Variants in TRANK1 observed in about 807,000 individuals in gnomAD.
TRANK1 encodes the protein tetratricopeptide repeat and ankyrin repeat containing 1.
A neutral mutation model predicts 266.0 loss-of-function variants in TRANK1; 198 were observed. The observed-to-expected ratio is 0.74, with a 90% confidence interval of 0.66 to 0.84. The LOEUF (loss-of-function observed/expected upper bound fraction) is 0.84, where lower values mean the gene tolerates loss of function less well. Among genes scored for constraint, TRANK1 ranks in the 40% least tolerant of loss-of-function variants. The probability of loss-of-function intolerance (pLI) is 0.00; values close to 1 mark genes in which losing one functional copy is unlikely to be tolerated. For missense variants in TRANK1, 3,326 were observed against 3,634.6 expected (o/e 0.92, Z 2.18); for synonymous variants, 1,396 against 1,384.1 (o/e 1.01, Z -0.19).
At chr3:36,906,363 A>G (rs1228813700) in intron 2 of TRANK1, among the ~76,000 whole-genome samples, 3 of 152,142 alleles carry the variant, frequency 2.0e-5, no homozygotes, top group African/African-American at 7.2e-5. Flanking sequence ...GCTGTTCCAA[A>G]AGGATGATCT....
chr3:36,935,511 C>T (rs1032414729), intron 1 of TRANK1, among the ~76,000 whole-genome samples: 5 of 142,728 alleles, frequency 3.5e-5, no homozygotes, highest in African/African-American at 1.1e-4. Context: ...AATGCAATGG[C>T]GCAATCTCAA....
At chr3:36,873,633 G>T (rs1043739508) in intron 9 of TRANK1, among the ~76,000 whole-genome samples, 11 of 152,060 alleles carry the variant, frequency 7.2e-5, no homozygotes, top group Non-Finnish European at 1.5e-4. Context: ...AATGATACAC[G>T]TAGCATTACT....
rs1575209048 is a variant in TRANK1 at position 36,856,179 on chromosome 3, T to A, written c.3543A>T (p.Pro1181=). ...AATGCTCCAGCTGGTGGGGATGTTCTGGTGCACATACTTCTGCAGCTTGGC... is the reference window on the plus strand; with the variant it reads ...AATGCTCCAGCTGGTGGGGATGTTCAGGTGCACATACTTCTGCAGCTTGGC... The part of the protein sequence containing the change: ...GDGQAAEVCA[P]EHPHQLEHLH... Residue 1181 remains proline (P), a synonymous_variant, in exon 13 of 24, where the codon CCA becomes CCT. Coordinates refer to ENST00000645898, the MANE Select transcript of TRANK1 (RefSeq NM_001329998.2). 2.5e-6 allele frequency: 4 copies of A among 1,613,982 alleles called. No homozygotes were observed. Among genetic ancestry groups the A allele is most frequent in the Non-Finnish European group, 3.4e-6 (4 of 1,179,890 alleles).
At position 36,831,489 on chromosome 3, in the gene TRANK1, T is replaced by C. The variant is rs758173701; in HGVS notation, c.8094A>G (p.Ala2698=). 2 of 1,613,228 alleles carry C rather than the reference T, an allele frequency of 1.2e-6. No homozygotes were observed. The highest frequency in any genetic ancestry group is 1.7e-5 in the Admixed American group (1 of 59,894). The change falls in exon 22 of 24, where the codon GCA becomes GCG. Residue 2698 remains alanine, a synonymous_variant. Coordinates refer to ENST00000645898, the MANE Select transcript of TRANK1 (RefSeq NM_001329998.2). The surrounding 1 kb of genome is among the most constrained non-coding windows in gnomAD (Gnocchi z 5.0). ...EFGQDEMDEL[A]LEDRDHVLAT... ...CCAGGACGTGGTCTCGGTCTTCTAATGCCAGTTCATCCATCTCATCCTGGC... is the reference window on the plus strand; with the variant it reads ...CCAGGACGTGGTCTCGGTCTTCTAACGCCAGTTCATCCATCTCATCCTGGC...
intron 3 of TRANK1, among the ~76,000 whole-genome samples, chr3:36,902,854 C>A (rs895363762): frequency 1.3e-5 from 2 of 152,248 alleles, no homozygotes; most frequent in African/African-American, 4.8e-5. Context: ...GGAGGCCAAG[C>A]TCTGCTGTTC....
Position 36,860,084 on chromosome 3 carries a change from C to T in TRANK1, c.1495+822G>A, listed in dbSNP as rs909731563. ...TACATATTATGTGTTATTGATAACA[C>T]ATAATGTTTTTTCTCGTAAAAGACA... On this transcript the variant is annotated intron_variant, in intron 11 of 23. Transcript: ENST00000645898. 2.0e-5 allele frequency among the ~76,000 whole-genome samples: 3 copies of T among 152,040 alleles called. No individual in the cohort carries two copies. In the East Asian group the frequency reaches 5.8e-4, roughly 29 times the overall value.
rs796072119 is a variant in TRANK1 at position 36,898,658 on chromosome 3, T to C, written c.433+451A>G. On this transcript the variant is annotated intron_variant, in intron 4 of 23. Coordinates refer to ENST00000645898, the MANE Select transcript of TRANK1 (RefSeq NM_001329998.2). Reference sequence around the variant, plus strand: ...CGAGGTCAAGAGATTAAGGCCATCCTGGCCAATATGGCGAAACCTCATCTC... The same window carrying C: ...CGAGGTCAAGAGATTAAGGCCATCCCGGCCAATATGGCGAAACCTCATCTC... Among the ~76,000 whole-genome samples, 4 of 152,178 alleles carry C rather than the reference T, an allele frequency of 2.6e-5. No individual in the cohort carries two copies. In the East Asian group the frequency reaches 7.8e-4, roughly 30 times the overall value.
At position 36,856,183 on chromosome 3, in the gene TRANK1, G is replaced by C; in HGVS notation, c.3539C>G (p.Ala1180Gly). Residue 1180 changes from alanine (A) to glycine (G), a missense_variant, in exon 13 of 24, where the codon GCA becomes GGA. Physicochemically the swap from Ala to Gly is moderately conservative, Grantham distance 60. Coordinates refer to ENST00000645898, the MANE Select transcript of TRANK1 (RefSeq NM_001329998.2). ...AGDGQAAEVC[A>G]PEHPHQLEHL... is the part of the protein sequence containing the mutation. ...CTCCAGCTGGTGGGGATGTTCTGGT[G>C]CACATACTTCTGCAGCTTGGCCGTC... 1 of 1,613,924 alleles carries C rather than the reference G, an allele frequency of 6.2e-7. No homozygotes were observed. The highest frequency in any genetic ancestry group is 8.5e-7 in the Non-Finnish European group (1 of 1,179,878).
At chr3:36,908,495 C>A in intron 1 of TRANK1, 41 bp from the exon 2 acceptor site, 2 of 1,232,188 alleles carry the variant, frequency 1.6e-6, no homozygotes, top group South Asian at 4.1e-5. Flanking sequence ...CAGACCCGTG[C>A]AGGGCATGTT....
chr3:36,944,783 G>C lies in TRANK1; in HGVS notation c.23+4C>G. ...GCCCCAGTGCTTCCCGCGCCGCTAC[G>C]CACCTAGCTGCCCGCGGGTCCCACA... On this transcript the variant is annotated splice_donor_region_variant and intron_variant, in intron 1 of 23. Transcript: ENST00000645898. The C allele has an allele frequency of 2.0e-6, 3 of 1,495,672 alleles. No individual in the cohort carries two copies. The highest frequency in any genetic ancestry group is 2.7e-6 in the Non-Finnish European group (3 of 1,129,594). The allele number at this position is 1,495,672 out of a possible 1,614,324, so 92.7% of individuals were successfully genotyped here.
At position 36,828,428 on chromosome 3, in the gene TRANK1, GGGAAGGAAAGAA is replaced by G. The variant is rs1266817292; in HGVS notation, c.8810-65_8810-54del. 4 of 832,092 alleles carry G rather than the reference GGGAAGGAAAGAA, an allele frequency of 4.8e-6. No individual in the cohort carries two copies. The East Asian group carries it at 1.1e-4, about 22-fold the overall frequency. The allele number at this position is 832,092 out of a possible 1,614,324, so 51.5% of individuals were successfully genotyped here. A position where few individuals can be genotyped will look rare whatever the true frequency, so the allele number is the denominator to read the frequency against. On this transcript the variant is annotated intron_variant, in intron 23 of 23. Coordinates refer to ENST00000645898, the MANE Select transcript of TRANK1 (RefSeq NM_001329998.2). ...AGGAAGGAAAGAAGGGAGGGAGGGA[GGGAAGGAAAGAA>G]GGAAGGAAGGAAGGAAGGAAAGGAG... is the stretch of plus-strand genomic sequence containing the variant.
rs1559448785 is a variant in TRANK1, at chr3:36,879,801, TACAA to T, written c.908-5509_908-5506del. Among the ~76,000 whole-genome samples, 9 of 106,178 alleles carry T rather than the reference TACAA, an allele frequency of 8.5e-5. 1 individual carries two copies. The highest frequency in any genetic ancestry group is 1.6e-4 in the Non-Finnish European group (9 of 55,650). The allele number at this position is 106,178 out of a possible 152,430, so 69.7% of individuals were successfully genotyped here. A position where few individuals can be genotyped will look rare whatever the true frequency, so the allele number is the denominator to read the frequency against. Reference sequence around the variant, plus strand: ...ATATAAATATGTAAATATATAAATATACAAATATATGTAAATATACAAATATATG... The same window carrying T: ...ATATAAATATGTAAATATATAAATATATATATGTAAATATACAAATATATG... On this transcript the variant is annotated intron_variant, in intron 8 of 23. Transcript: ENST00000645898.
At chr3:36,865,024 G>GTTTTTTTTTTTTTTTTTTT (rs34540496) in intron 9 of TRANK1, among the ~76,000 whole-genome samples, 2 of 119,808 alleles carry the variant, frequency 1.7e-5, no homozygotes, top group African/African-American at 3.4e-5. Flanking sequence ...TGTTTTTTTG[G>GTTTTTTTTTTTTTTTTTTT]TTTTTTTTTT....
At chr3:36,869,604 A>T (rs1386892960) in intron 9 of TRANK1, among the ~76,000 whole-genome samples, 1 of 152,252 alleles carries the variant, frequency 6.6e-6, no homozygotes, top group Non-Finnish European at 1.5e-5. Context: ...ATTAAGGTCC[A>T]TAAAAACAAA....
At position 36,857,981 on chromosome 3, in the gene TRANK1, A is replaced by G. The variant is rs368432540; in HGVS notation, c.1741T>C (p.Tyr581His). The G allele has an allele frequency of 1.3e-6, 2 of 1,598,960 alleles. No individual in the cohort carries two copies. Among genetic ancestry groups the G allele is most frequent in the Non-Finnish European group, 1.7e-6 (2 of 1,179,158 alleles). Residue 581 changes from tyrosine to histidine, a missense_variant, in exon 13 of 24, where the codon TAC (tyrosine) becomes CAC (histidine). Tyr to His is a moderately conservative substitution (Grantham distance 83, BLOSUM62 2). Transcript: ENST00000645898. The surrounding 1 kb of genome is among the most constrained non-coding windows in gnomAD (Gnocchi z 4.3). ...CTGTCCTGGACATTGGGGTTGAGGT[A>G]GTCGAATTCAGTGGGGTTGGACCAA... ...LFWSNPTEFD[Y>H]LNPNVQDSNG...
intron 15 of TRANK1, 142 bp from the exon 16 acceptor site, chr3:36,847,488 CT>C: frequency 1.2e-6 from 1 of 836,832 alleles, no homozygotes. Flanking sequence ...ATCCTGTGAT[CT>C]TAGAATGGAT....
chr3:36,889,371 C>T (rs1368685649), intron 8 of TRANK1, among the ~76,000 whole-genome samples: 2 of 152,204 alleles, frequency 1.3e-5, no homozygotes, highest in African/African-American at 2.4e-5. Context: ...AAGCCTCACT[C>T]GCTCATGTGC....
Position 36,903,282 on chromosome 3 carries a change from G to A in TRANK1, c.156-7C>T. 1.3e-6 allele frequency: 2 copies of A among 1,536,656 alleles called. No homozygotes were observed. Among genetic ancestry groups the A allele is most frequent in the Non-Finnish European group, 8.7e-7 (1 of 1,146,438 alleles). On this transcript the variant is annotated splice_polypyrimidine_tract_variant and splice_region_variant and intron_variant, in intron 2 of 23. Coordinates refer to ENST00000645898, the MANE Select transcript of TRANK1 (RefSeq NM_001329998.2). ...CAAGTCCCTCGGGGGAACCCTGTAA[G>A]AACAAACCGGTGGTCTGTCATGGTT... is the stretch of plus-strand genomic sequence containing the variant.
intron 1 of TRANK1, among the ~76,000 whole-genome samples, chr3:36,935,907 T>A (rs1251324530): frequency 6.6e-6 from 1 of 152,120 alleles, no homozygotes; most frequent in Non-Finnish European, 1.5e-5. Context: ...GAATAAAAGT[T>A]TGGGAGATTT....
Sources: allele counts gnomAD v4.1 joint callset (sites outside exome capture counted in the v4.1 genomes callset), GRCh38; gene constraint gnomAD v4.1.1; non-coding constraint Gnocchi (gnomAD v3.1); transcripts MANE v1.5; gene names NCBI Gene and HGNC (gene_info 2026-07-23, HGNC 2026-07-21).